RAB5C: variants seen among roughly 807,000 people sequenced by gnomAD.
RAB5C encodes the protein ras-related protein Rab-5C.
Under a neutral mutation model 25.2 loss-of-function variants are expected in RAB5C, and 4 were observed. The observed-to-expected ratio is 0.16, with a 90% CI of 0.08 to 0.36. RAB5C has a LOEUF of 0.36. RAB5C is among the 10% of genes least tolerant of loss of function. The pLI, the probability that RAB5C is intolerant of heterozygous loss-of-function variation, is 1.00. For missense variants in RAB5C, 199 were observed against 283.8 expected (o/e 0.70, Z 2.15); for synonymous variants, 100 against 106.4 (o/e 0.94, Z 0.37).
intron 2 of RAB5C, chr17:42,130,051 G>A: frequency 2.8e-6 from 1 of 356,612 alleles, no homozygotes; most frequent in South Asian, 5.9e-5. Context: ...ATGAGGCCAG[G>A]GCAGTGAAAG....
intron 1 of RAB5C, among the ~76,000 whole-genome samples, chr17:42,153,727 G>T (rs1381720363): frequency 6.6e-6 from 1 of 152,180 alleles, no homozygotes; most frequent in Non-Finnish European, 1.5e-5. Context: ...ACATAACAAA[G>T]CTTGGTCTGA....
At chr17:42,128,169 G>A (rs1801579066) in intron 4 of RAB5C, 92 bp downstream of exon 4, 1 of 1,511,374 alleles carries the variant, frequency 6.6e-7, no homozygotes, top group African/African-American at 1.4e-5. Context: ...TTGCCTCCTA[G>A]CATGGCCCTT....
intron 1 of RAB5C, among the ~76,000 whole-genome samples, chr17:42,152,902 G>A (rs190176928): frequency 1.3e-5 from 2 of 152,210 alleles, no homozygotes; most frequent in African/African-American, 4.8e-5. Flanking sequence ...GACAAACTGC[G>A]GTCTACTCCT....
At chr17:42,145,645 C>G (rs746497448) in intron 1 of RAB5C, among the ~76,000 whole-genome samples, 2 of 152,074 alleles carry the variant, frequency 1.3e-5, no homozygotes, top group Non-Finnish European at 2.9e-5. Flanking sequence ...ATTAGCCAGG[C>G]GTGGTGGTGC....
intron 1 of RAB5C, among the ~76,000 whole-genome samples, chr17:42,133,441 T>A (rs564997055): frequency 6.6e-6 from 1 of 152,292 alleles, no homozygotes; most frequent in South Asian, 2.1e-4. Context: ...AGGAACAGAA[T>A]GTGATTTTTA....
chr17:42,126,679 A>G (rs756914621), intron 5 of RAB5C, 76 bp downstream of exon 5: 1 of 569,094 alleles, frequency 1.8e-6, no homozygotes, highest in South Asian at 2.1e-5. Context: ...GGGACCCCGC[A>G]GGCCCACTCT....
chr17:42,151,412 A>G (rs932495544), intron 1 of RAB5C, among the ~76,000 whole-genome samples: 1 of 151,724 alleles, frequency 6.6e-6, no homozygotes, highest in Non-Finnish European at 1.5e-5. Flanking sequence ...ACTCCAGCCT[A>G]GGCGACAGAG....
chr17:42,147,510 C>T (rs904719802), intron 1 of RAB5C, among the ~76,000 whole-genome samples: 2 of 152,238 alleles, frequency 1.3e-5, no homozygotes, highest in African/African-American at 2.4e-5. Context: ...GCCAGTCAGC[C>T]GGACTGTGGC....
At chr17:42,145,871 G>A (rs368913125) in intron 1 of RAB5C, among the ~76,000 whole-genome samples, 13 of 152,106 alleles carry the variant, frequency 8.5e-5, no homozygotes, top group African/African-American at 2.9e-4. Flanking sequence ...ACAGTGACAC[G>A]ATGTTGGCTC....
At chr17:42,131,139 G>A (rs1241167472) in intron 1 of RAB5C, among the ~76,000 whole-genome samples, 5 of 152,102 alleles carry the variant, frequency 3.3e-5, no homozygotes. Context: ...CAGGGACCAG[G>A]GCCTGGCCAG....
At chr17:42,146,520 G>C (rs2079635959) in intron 1 of RAB5C, among the ~76,000 whole-genome samples, 1 of 152,188 alleles carries the variant, frequency 6.6e-6, no homozygotes, top group African/African-American at 2.4e-5. Context: ...AGAGGCCAAG[G>C]CAGGCAGACC....
chr17:42,141,397 G>C (rs1320067224), intron 1 of RAB5C, among the ~76,000 whole-genome samples: 1 of 152,210 alleles, frequency 6.6e-6, no homozygotes, highest in Non-Finnish European at 1.5e-5. Context: ...GGTTTCCTTT[G>C]TGTTAACAGC....
intron 1 of RAB5C, among the ~76,000 whole-genome samples, chr17:42,149,876 G>GTTTTTTTTTTTTT (rs925280473): frequency 8.3e-6 from 1 of 121,164 alleles, no homozygotes; most frequent in African/African-American, 3.2e-5. Flanking sequence ...GCCCAGGCTG[G>GTTTTTTTTTTTTT]TTTTTTTTTT....
Position 42,133,556 on chromosome 17 carries a change from G to A in RAB5C, c.-88-2966C>T, listed in dbSNP as rs2054507114. On this transcript the variant is annotated intron_variant, in intron 1 of 5. Transcript: ENST00000346213. ...GCCAGCCCCTCGAGATTCTCATGAAGGTTTGGCACAGAGCCCAGCATCTGC... is the reference window on the plus strand; with the variant it reads ...GCCAGCCCCTCGAGATTCTCATGAAAGTTTGGCACAGAGCCCAGCATCTGC... Among the ~76,000 whole-genome samples the A allele has an allele frequency of 1.3e-5, 2 of 152,202 alleles. 1 individual carries two copies. Among genetic ancestry groups the A allele is most frequent in the South Asian group, 4.1e-4 (2 of 4,834 alleles).
intron 1 of RAB5C, among the ~76,000 whole-genome samples, chr17:42,151,696 A>G (rs1401545247): frequency 6.6e-6 from 1 of 152,132 alleles, no homozygotes; most frequent in Non-Finnish European, 1.5e-5. Flanking sequence ...TTTTCTAGCC[A>G]TTAGGACTTT....
intron 1 of RAB5C, among the ~76,000 whole-genome samples, chr17:42,143,379 G>A (rs6503687): frequency 0.36 from 54,113 of 152,112 alleles, 12,984 homozygotes; most frequent in African/African-American, 0.69. Flanking sequence ...GCTCATGCCT[G>A]TAACCCTAGC....
intron 1 of RAB5C, among the ~76,000 whole-genome samples, chr17:42,138,457 C>A (rs534057741): frequency 5.3e-5 from 8 of 152,250 alleles, no homozygotes; most frequent in African/African-American, 1.9e-4. Flanking sequence ...TTGGGGGAGG[C>A]AGCAGTAGGG....
chr17:42,134,390 A>G (rs539352113), intron 1 of RAB5C, among the ~76,000 whole-genome samples: 128 of 152,314 alleles, frequency 8.4e-4, no homozygotes, highest in Admixed American at 1.1e-3. Flanking sequence ...CAAATTCTCC[A>G]TAAGAGCTAA....
At position 42,125,459 on chromosome 17, in the gene RAB5C, AG is replaced by A. The variant is rs1374918945; in HGVS notation, c.*323del. The A allele has an allele frequency of 3.6e-6, 1 of 275,738 alleles. No individual in the cohort carries two copies. The highest frequency in any genetic ancestry group is 7.0e-6 in the Non-Finnish European group (1 of 143,140). The allele number at this position is 275,738 out of a possible 1,614,324, so 17.1% of individuals were successfully genotyped here. A position where few individuals can be genotyped will look rare whatever the true frequency, so the allele number is the denominator to read the frequency against. On this transcript the variant is annotated 3_prime_UTR_variant, in exon 6 of 6. Transcript: ENST00000346213. Reference sequence around the variant, plus strand: ...ACTGACCCCACTGTCCCCATATACAAGGGTTGGGGGGCAAGAGCATGTGGCT... The same window carrying A: ...ACTGACCCCACTGTCCCCATATACAAGGTTGGGGGGCAAGAGCATGTGGCT...
Sources: gnomAD v4.1 joint callset for allele counts (sites outside exome capture counted in the v4.1 genomes callset) on GRCh38, gnomAD v4.1.1 for gene constraint, MANE v1.5 for transcripts, NCBI Gene and HGNC (gene_info 2026-07-23, HGNC 2026-07-21) for gene names.